IRF2: variants seen among roughly 807,000 people sequenced by gnomAD.
The protein encoded by IRF2 is interferon regulatory factor 2.
A neutral mutation model predicts 40.6 loss-of-function variants in IRF2; 15 were observed. The observed-to-expected ratio is 0.37, with a 90% CI of 0.25 to 0.57. IRF2 has a LOEUF of 0.57. IRF2 is among the 20% of genes least tolerant of loss of function. The pLI, the probability that IRF2 is intolerant of heterozygous loss-of-function variation, is 0.77. For missense variants in IRF2, 317 were observed against 455.7 expected (o/e 0.70, Z 2.77); for synonymous variants, 151 against 165.5 (o/e 0.91, Z 0.67).
chr4:184,400,986 C>T (rs923090913), intron 6 of IRF2, among the ~76,000 whole-genome samples: 1 of 152,322 alleles, frequency 6.6e-6, no homozygotes, highest in Admixed American at 6.5e-5. Flanking sequence ...AACATTTTAA[C>T]CCATAAGGAT....
chr4:184,425,310 CA>C (rs1737628019), intron 2 of IRF2, among the ~76,000 whole-genome samples: 1 of 152,236 alleles, frequency 6.6e-6, no homozygotes, highest in East Asian at 1.9e-4. Flanking sequence ...TGAATGCCAA[CA>C]AGCCTAAGTT....
chr4:184,455,916 T>C (rs1287070018), intron 1 of IRF2, among the ~76,000 whole-genome samples: 4 of 152,212 alleles, frequency 2.6e-5, no homozygotes, highest in Admixed American at 2.6e-4. Context: ...TAAAGCTCTG[T>C]GGAGTATACA....
chr4:184,461,503 C>T (rs901278209), intron 1 of IRF2, among the ~76,000 whole-genome samples: 13 of 152,148 alleles, frequency 8.5e-5, no homozygotes, highest in Non-Finnish European at 1.5e-4. Flanking sequence ...AATTAGGCTC[C>T]TAACTGTAAG....
At chr4:184,403,387 A>G (rs1736737979) in intron 6 of IRF2, among the ~76,000 whole-genome samples, 1 of 152,202 alleles carries the variant, frequency 6.6e-6, no homozygotes, top group South Asian at 2.1e-4. Flanking sequence ...TACCTGCTAC[A>G]GTAAACAGTC....
At chr4:184,428,074 CT>C (rs1431497932) in intron 2 of IRF2, among the ~76,000 whole-genome samples, 15 of 152,294 alleles carry the variant, frequency 9.8e-5, no homozygotes, top group African/African-American at 3.6e-4. Flanking sequence ...TGATTCACCC[CT>C]AACAGCTAGG....
intron 1 of IRF2, among the ~76,000 whole-genome samples, chr4:184,461,358 C>T (rs7687662): frequency 0.6 from 91,416 of 152,072 alleles, 27,898 homozygotes; most frequent in African/African-American, 0.7. Flanking sequence ...GTCACATTAG[C>T]ACTGCGGCTT....
chr4:184,410,172 C>T (rs898824231), intron 5 of IRF2, among the ~76,000 whole-genome samples: 6 of 152,196 alleles, frequency 3.9e-5, no homozygotes, highest in Admixed American at 2.6e-4. Flanking sequence ...CAAAGCCTGG[C>T]ACCTCCACTC....
At chr4:184,431,524 G>A (rs1737877153) in intron 1 of IRF2, among the ~76,000 whole-genome samples, 1 of 152,208 alleles carries the variant, frequency 6.6e-6, no homozygotes, top group Non-Finnish European at 1.5e-5. Context: ...CGCCAGGGTG[G>A]TGACCACCAG....
chr4:184,388,590 A>T lies in IRF2; in HGVS notation c.*168T>A. The T allele has an allele frequency of 1.5e-6, 1 of 663,182 alleles. No homozygotes were observed. The highest frequency in any genetic ancestry group is 2.5e-6 in the Non-Finnish European group (1 of 399,238). The allele number at this position is 663,182 out of a possible 1,614,324, so 41.1% of individuals were successfully genotyped here. A position where few individuals can be genotyped will look rare whatever the true frequency, so the allele number is the denominator to read the frequency against. ...TACCAATGGGCTGGAGTCCTGAGTTAAAGAGAAGCTCCAGTACTGGAGTTG... is the reference window on the plus strand; with the variant it reads ...TACCAATGGGCTGGAGTCCTGAGTTTAAGAGAAGCTCCAGTACTGGAGTTG... On this transcript the variant is annotated 3_prime_UTR_variant, in exon 9 of 9. Coordinates refer to ENST00000393593, the MANE Select transcript of IRF2 (RefSeq NM_002199.4). The surrounding 1 kb of genome is among the most constrained non-coding windows in gnomAD (Gnocchi z 4.6).
intron 5 of IRF2, among the ~76,000 whole-genome samples, chr4:184,415,941 T>C (rs1737250872): frequency 6.6e-6 from 1 of 152,238 alleles, no homozygotes. Flanking sequence ...TCAGTCACAC[T>C]TGAAATTGTA....
At chr4:184,429,660 G>A (rs961264813) in intron 1 of IRF2, among the ~76,000 whole-genome samples, 1 of 152,102 alleles carries the variant, frequency 6.6e-6, no homozygotes, top group African/African-American at 2.4e-5. Context: ...GCCTGCACAG[G>A]TATCTCCTTT....
intron 2 of IRF2, among the ~76,000 whole-genome samples, chr4:184,420,262 T>C (rs929321375): frequency 4.6e-5 from 7 of 152,202 alleles, no homozygotes; most frequent in African/African-American, 2.4e-5. Flanking sequence ...GTTTGGTAAA[T>C]AGTAACTCCA....
intron 1 of IRF2, among the ~76,000 whole-genome samples, chr4:184,434,217 T>C (rs550075251): frequency 6.6e-6 from 1 of 152,284 alleles, no homozygotes; most frequent in South Asian, 2.1e-4. Context: ...AGAGCGGCTA[T>C]GTTTGTCTAA....
At chr4:184,396,424 A>G (rs1042505367) in intron 7 of IRF2, among the ~76,000 whole-genome samples, 30 of 137,532 alleles carry the variant, frequency 2.2e-4, no homozygotes, top group African/African-American at 8.2e-4. Flanking sequence ...CCATATATAT[A>G]TATTTTTTTT....
chr4:184,455,154 C>G (rs1430646725), intron 1 of IRF2, among the ~76,000 whole-genome samples: 1 of 151,848 alleles, frequency 6.6e-6, no homozygotes, highest in East Asian at 1.9e-4. Context: ...ATAATTCATC[C>G]CCATCCCACC....
chr4:184,425,445 C>T (rs1440310836), intron 2 of IRF2, among the ~76,000 whole-genome samples: 1 of 152,246 alleles, frequency 6.6e-6, no homozygotes, highest in Non-Finnish European at 1.5e-5. Flanking sequence ...TGCCACGTGC[C>T]CACTCTGGCT....
At chr4:184,391,048 C>A (rs1279887146) in intron 7 of IRF2, among the ~76,000 whole-genome samples, 1 of 152,240 alleles carries the variant, frequency 6.6e-6, no homozygotes, top group Non-Finnish European at 1.5e-5. Flanking sequence ...GCAGCTCTGT[C>A]CACAATGCCC....
chr4:184,424,219 G>C (rs1003739323), intron 2 of IRF2, among the ~76,000 whole-genome samples: 11 of 152,202 alleles, frequency 7.2e-5, no homozygotes, highest in African/African-American at 2.7e-4. Context: ...AATTGCCCCA[G>C]CCAAGGTCTC....
chr4:184,434,348 G>A (rs953501835), intron 1 of IRF2, among the ~76,000 whole-genome samples: 1 of 152,176 alleles, frequency 6.6e-6, no homozygotes, highest in Non-Finnish European at 1.5e-5. Context: ...CTAGAAAAAT[G>A]GGACGTTTTA....
Sources: allele counts gnomAD v4.1 joint callset (sites outside exome capture counted in the v4.1 genomes callset), GRCh38; gene constraint gnomAD v4.1.1; non-coding constraint Gnocchi (gnomAD v3.1); transcripts MANE v1.5; gene names NCBI Gene and HGNC (gene_info 2026-07-23, HGNC 2026-07-21).